EYS: variants seen among roughly 807,000 people sequenced by gnomAD.
EYS encodes the protein EGF-like photoreceptor maintenance factor.
In EYS, 250 loss-of-function variants were observed where a neutral mutation model predicts 282.1. That is an observed-to-expected ratio of 0.89 (90% CI 0.80 to 0.98). The LOEUF is 0.98. EYS is among the 50% of genes least tolerant of loss of function. The pLI, the probability that EYS is intolerant of heterozygous loss-of-function variation, is 0.00. For synonymous variants in EYS, 1,355 were observed against 1,282.9 expected (o/e 1.06, Z -1.20); for missense variants, 4,016 against 3,709.0 (o/e 1.08, Z -2.15).
At chr6:65,092,809 G>C (rs1490888338) in intron 12 of EYS, among the ~76,000 whole-genome samples, 1 of 152,112 alleles carries the variant, frequency 6.6e-6, no homozygotes, top group African/African-American at 2.4e-5. Context: ...GAAAAAGAGT[G>C]AAGAAAGCCT....
chr6:64,978,313 A>C (rs2150114950), intron 14 of EYS, among the ~76,000 whole-genome samples: 1 of 152,018 alleles, frequency 6.6e-6, no homozygotes, highest in South Asian at 2.1e-4. Context: ...ATGCTCTATA[A>C]ATGGAAAAAC....
At chr6:65,321,968 G>A (rs1046315658) in intron 11 of EYS, among the ~76,000 whole-genome samples, 12 of 152,120 alleles carry the variant, frequency 7.9e-5, no homozygotes, top group African/African-American at 2.7e-4. Flanking sequence ...TTATTTGTGT[G>A]GCAGGATGCT....
intron 37 of EYS, among the ~76,000 whole-genome samples, chr6:63,805,442 C>T (rs909782395): frequency 2.0e-5 from 3 of 152,046 alleles, no homozygotes; most frequent in Non-Finnish European, 4.4e-5. Context: ...CATTTTATAA[C>T]ACATGGAAAA....
At chr6:65,528,033 G>T (rs1767634210) in intron 2 of EYS, among the ~76,000 whole-genome samples, 1 of 152,094 alleles carries the variant, frequency 6.6e-6, no homozygotes, top group Non-Finnish European at 1.5e-5. Flanking sequence ...TGTTACTAAG[G>T]TATCAGCTCG....
chr6:65,176,010 G>T (rs74413473), intron 12 of EYS, among the ~76,000 whole-genome samples: 1,945 of 151,412 alleles, frequency 0.013, 50 homozygotes, highest in African/African-American at 0.044. Flanking sequence ...GTAATACATT[G>T]TGGAATAATT....
intron 5 of EYS, among the ~76,000 whole-genome samples, chr6:65,442,549 TG>T (rs1768375179): frequency 1.3e-5 from 2 of 151,652 alleles, no homozygotes; most frequent in Non-Finnish European, 2.9e-5. Context: ...GTCAGGAGAT[TG>T]AGACCATCCT....
At chr6:65,181,757 A>C (rs1050608135) in intron 12 of EYS, among the ~76,000 whole-genome samples, 12 of 152,120 alleles carry the variant, frequency 7.9e-5, no homozygotes, top group African/African-American at 2.9e-4. Context: ...ACACATGCAC[A>C]CGTATGTTTA....
chr6:64,531,544 G>C (rs932414387), intron 26 of EYS, among the ~76,000 whole-genome samples: 1 of 101,878 alleles, frequency 9.8e-6, no homozygotes, highest in Non-Finnish European at 2.4e-5. Context: ...CCGCCACCAC[G>C]CCTGGTTTAT....
intron 31 of EYS, among the ~76,000 whole-genome samples, chr6:64,121,491 T>A (rs554915726): frequency 4.6e-5 from 7 of 152,336 alleles, no homozygotes; most frequent in African/African-American, 9.6e-5. Flanking sequence ...ATTTAAAAGC[T>A]GGGACTCATA....
At chr6:65,642,618 T>A (rs1439318425) in intron 1 of EYS, among the ~76,000 whole-genome samples, 1 of 152,194 alleles carries the variant, frequency 6.6e-6, no homozygotes, top group Non-Finnish European at 1.5e-5. Context: ...ACTCTTCATT[T>A]TGTTCTATAT....
At chr6:65,084,795 T>C (rs1774320627) in intron 12 of EYS, among the ~76,000 whole-genome samples, 1 of 152,140 alleles carries the variant, frequency 6.6e-6, no homozygotes, top group South Asian at 2.1e-4. Context: ...ATAAAGTTAG[T>C]GTTTTAGTTG....
intron 2 of EYS, among the ~76,000 whole-genome samples, chr6:65,592,358 T>C (rs1432984483): frequency 1.3e-5 from 2 of 151,994 alleles, no homozygotes; most frequent in African/African-American, 2.4e-5. Context: ...AAATTATGCA[T>C]TGAATTCAAG....
intron 22 of EYS, among the ~76,000 whole-genome samples, chr6:64,671,158 A>G (rs1452307915): frequency 6.6e-6 from 1 of 152,208 alleles, no homozygotes; most frequent in Admixed American, 6.5e-5. Context: ...GTTAAGGAAG[A>G]TAAAGCGTCA....
intron 21 of EYS, among the ~76,000 whole-genome samples, chr6:64,820,990 A>C (rs982969618): frequency 6.6e-6 from 1 of 152,010 alleles, no homozygotes; most frequent in African/African-American, 2.4e-5. Flanking sequence ...TCCCTTTACC[A>C]TGTTATTGTC....
intron 14 of EYS, among the ~76,000 whole-genome samples, chr6:64,969,088 G>A (rs553644162): frequency 1.1e-4 from 16 of 150,342 alleles, no homozygotes; most frequent in Admixed American, 4.0e-4. Context: ...AACTCCTTGC[G>A]TGAAAAAAAA....
intron 26 of EYS, among the ~76,000 whole-genome samples, chr6:64,521,063 G>C (rs1179932240): frequency 2.0e-5 from 3 of 151,892 alleles, no homozygotes; most frequent in Admixed American, 2.0e-4. Context: ...AGAAAACGAA[G>C]TGACATACAG....
intron 35 of EYS, among the ~76,000 whole-genome samples, chr6:63,945,708 A>C (rs1765376938): frequency 6.6e-6 from 1 of 152,202 alleles, no homozygotes; most frequent in African/African-American, 2.4e-5. Flanking sequence ...CAGGCAGAGT[A>C]AGAAATCCTT....
chr6:64,020,350 A>G (rs866586572), intron 33 of EYS, among the ~76,000 whole-genome samples: 1 of 152,202 alleles, frequency 6.6e-6, no homozygotes, highest in Non-Finnish European at 1.5e-5. Flanking sequence ...AATGTAATAT[A>G]TCATAAAACC....
In EYS at chr6:63,964,784, C is replaced by T. The variant is rs150309868; in HGVS notation, c.7055+19599G>A. Among the ~76,000 whole-genome samples, 122 of 152,260 alleles carry T rather than the reference C, an allele frequency of 8.0e-4. No homozygotes were observed. The Middle Eastern group carries it at 0.014, about 17-fold the overall frequency. On this transcript the variant is annotated intron_variant, in intron 35 of 42. Transcript: ENST00000503581. The stretch of plus-strand genomic sequence containing the variant: ...TTGTTAGTACAATTAAAACAACAAC[C>T]AGTTCCTTTATTGCTTATGATTTAA...
Sources: allele counts gnomAD v4.1 joint callset (sites outside exome capture counted in the v4.1 genomes callset), GRCh38; gene constraint gnomAD v4.1.1; transcripts MANE v1.5; gene names NCBI Gene and HGNC (gene_info 2026-07-23, HGNC 2026-07-21).